CLEC16A: variants seen among roughly 807,000 people sequenced by gnomAD.
The protein encoded by CLEC16A is protein CLEC16A.
Under a neutral mutation model 109.5 loss-of-function variants are expected in CLEC16A, and 51 were observed. The ratio of observed to expected loss-of-function variants is 0.47; its 90% confidence interval spans 0.37 to 0.59. The LOEUF (loss-of-function observed/expected upper bound fraction) is 0.59. Among genes scored for constraint, CLEC16A ranks in the 20% least tolerant of loss-of-function variants. The pLI is 0.00. For missense variants in CLEC16A, 1,339 were observed against 1,394.0 expected (o/e 0.96, Z 0.63); for synonymous variants, 673 against 564.2 (o/e 1.19, Z -2.73).
intron 10 of CLEC16A, among the ~76,000 whole-genome samples, chr16:10,988,606 C>T (rs4781030): frequency 0.42 from 63,303 of 151,938 alleles, 14,836 homozygotes; most frequent in East Asian, 0.7. Context: ...CCTTGAATGC[C>T]GCCTTCTCTT....
chr16:11,120,780 G>C lies in CLEC16A; in HGVS notation c.2268+14G>C, dbSNP rs201460026. 5.3e-6 allele frequency: 8 copies of C among 1,506,404 alleles called. No individual in the cohort carries two copies. Among genetic ancestry groups the C allele is most frequent in the South Asian group, 1.3e-5 (1 of 77,074 alleles). 93.3% of individuals were successfully genotyped at this position (1,506,404 alleles called of 1,614,324 possible). A position where few individuals can be genotyped will look rare whatever the true frequency, so the allele number is the denominator to read the frequency against. ...GGCCTATTGCAGGTAAGATGGCCAG[G>C]AGCTCTGGGATCTGTTCTCAGTTGG... On this transcript the variant is annotated intron_variant, in intron 20 of 23. Coordinates refer to ENST00000409790, the MANE Select transcript of CLEC16A (RefSeq NM_015226.3).
chr16:11,165,905 C>T (rs1432215196), intron 22 of CLEC16A, among the ~76,000 whole-genome samples: 4 of 152,152 alleles, frequency 2.6e-5, no homozygotes, highest in East Asian at 1.9e-4. Flanking sequence ...CTGGAAGGAG[C>T]GTCCAGGGCA....
chr16:11,038,296 G>A (rs1217144667), intron 13 of CLEC16A, among the ~76,000 whole-genome samples: 1 of 152,210 alleles, frequency 6.6e-6, no homozygotes, highest in African/African-American at 2.4e-5. Flanking sequence ...TCAAGGGACC[G>A]TATTTTAAGA....
intron 3 of CLEC16A, among the ~76,000 whole-genome samples, chr16:10,968,221 A>G (rs558514425): frequency 2.6e-5 from 4 of 152,320 alleles, no homozygotes; most frequent in Non-Finnish European, 4.4e-5. Flanking sequence ...CAACACTGAG[A>G]TATCAAACTG....
intron 10 of CLEC16A, among the ~76,000 whole-genome samples, chr16:10,989,205 T>C (rs1295074741): frequency 4.6e-5 from 6 of 131,704 alleles, no homozygotes; most frequent in Non-Finnish European, 9.8e-5. Flanking sequence ...GTGCAAATAC[T>C]GTTGTCGTTG....
intron 23 of CLEC16A, among the ~76,000 whole-genome samples, chr16:11,172,567 A>G (rs1421691342): frequency 6.6e-6 from 1 of 152,052 alleles, no homozygotes; most frequent in South Asian, 2.1e-4. Context: ...GGGAGCACAT[A>G]GTAGGTGTAA....
intron 19 of CLEC16A, among the ~76,000 whole-genome samples, chr16:11,087,894 G>A (rs1306315595): frequency 6.6e-6 from 1 of 152,248 alleles, no homozygotes; most frequent in Non-Finnish European, 1.5e-5. Flanking sequence ...GAGGCAGGAA[G>A]TGTCTGAGAA....
intron 1 of CLEC16A, among the ~76,000 whole-genome samples, chr16:10,949,452 A>C (rs1411729164): frequency 1.3e-5 from 2 of 151,976 alleles, no homozygotes; most frequent in African/African-American, 4.8e-5. Flanking sequence ...GTCAGGTGGA[A>C]GGAAGGATGT....
chr16:10,974,845 C>G (rs2042961336), intron 7 of CLEC16A, among the ~76,000 whole-genome samples: 1 of 152,232 alleles, frequency 6.6e-6, no homozygotes, highest in African/African-American at 2.4e-5. Context: ...TTTGGCTCCA[C>G]AGGGAATGTT....
intron 10 of CLEC16A, among the ~76,000 whole-genome samples, chr16:10,994,236 C>T (rs2044200222): frequency 6.6e-6 from 1 of 152,248 alleles, no homozygotes; most frequent in African/African-American, 2.4e-5. Flanking sequence ...TCATTTTCTC[C>T]TTTACATTTC....
intron 20 of CLEC16A, among the ~76,000 whole-genome samples, chr16:11,122,354 C>CT (rs2153029006): frequency 6.6e-6 from 1 of 152,180 alleles, no homozygotes; most frequent in East Asian, 1.9e-4. Context: ...GTGACTTATG[C>CT]TTATCTATCT....
intron 19 of CLEC16A, among the ~76,000 whole-genome samples, chr16:11,065,796 G>A (rs1262696896): frequency 2.6e-5 from 4 of 152,252 alleles, no homozygotes; most frequent in Non-Finnish European, 5.9e-5. Context: ...GATGGCAGAG[G>A]TGAGGCTGAG....
intron 23 of CLEC16A, among the ~76,000 whole-genome samples, chr16:11,167,867 G>C (rs1189049416): frequency 3.9e-5 from 6 of 152,220 alleles, no homozygotes; most frequent in African/African-American, 1.4e-4. Flanking sequence ...AACTCCAGCA[G>C]AGCTTCTTTC....
intron 16 of CLEC16A, among the ~76,000 whole-genome samples, chr16:11,046,334 C>A (rs2047632696): frequency 6.6e-6 from 1 of 152,124 alleles, no homozygotes; most frequent in African/African-American, 2.4e-5. Flanking sequence ...AATTTCTCAG[C>A]AGCTTTTAGA....
chr16:11,000,256 C>G (rs2044590966), intron 10 of CLEC16A, among the ~76,000 whole-genome samples: 1 of 152,244 alleles, frequency 6.6e-6, no homozygotes, highest in South Asian at 2.1e-4. Context: ...TTTCAGACCA[C>G]TCTGGCCAGC....
chr16:11,096,505 T>G (rs901461058), intron 19 of CLEC16A, among the ~76,000 whole-genome samples: 1 of 152,140 alleles, frequency 6.6e-6, no homozygotes, highest in African/African-American at 2.4e-5. Flanking sequence ...TTTTCTAAAT[T>G]TATTTCCTGA....
chr16:10,957,971 T>C, intron 2 of CLEC16A, 61 bp downstream of exon 2: 1 of 1,533,424 alleles, frequency 6.5e-7, no homozygotes, highest in Non-Finnish European at 9.0e-7. Flanking sequence ...TTTCTAAATG[T>C]ATACTATGAG....
In CLEC16A at chr16:11,104,389, A is replaced by G. The variant is rs372627528; in HGVS notation, c.2117-16226A>G. Among the ~76,000 whole-genome samples the G allele has an allele frequency of 2.7e-4, 41 of 152,156 alleles. 1 individual carries two copies. The South Asian group carries it at 8.3e-3, about 31-fold the overall frequency. ...GCAATCCTCCCACCTCAGCCTCCCAAAGGATGGGATTACAGGTATATGCCA... is the reference window on the plus strand; with the variant it reads ...GCAATCCTCCCACCTCAGCCTCCCAGAGGATGGGATTACAGGTATATGCCA... On this transcript the variant is annotated intron_variant, in intron 19 of 23. Coordinates refer to ENST00000409790, the MANE Select transcript of CLEC16A (RefSeq NM_015226.3).
Position 11,181,088 on chromosome 16 carries a change from A to T in CLEC16A, c.*2398A>T, listed in dbSNP as rs1340730722. ...TGTGGGGTGAGGATTTCCTATAACC[A>T]GGGCTCCCAGAAGCTTTGCTTATGT... On this transcript the variant is annotated 3_prime_UTR_variant, in exon 24 of 24. Transcript: ENST00000409790. 1 of 152,162 alleles carries T rather than the reference A, an allele frequency of 6.6e-6. No homozygotes were observed. Among genetic ancestry groups the T allele is most frequent in the African/African-American group, 2.4e-5 (1 of 41,414 alleles). The allele number at this position is 152,162 out of a possible 1,614,324, so 9.4% of individuals were successfully genotyped here. A position where few individuals can be genotyped will look rare whatever the true frequency, so the allele number is the denominator to read the frequency against.
Sources: allele counts gnomAD v4.1 joint callset (sites outside exome capture counted in the v4.1 genomes callset), GRCh38; gene constraint gnomAD v4.1.1; transcripts MANE v1.5; gene names NCBI Gene and HGNC (gene_info 2026-07-23, HGNC 2026-07-21).